Variants in ILRUN observed in about 807,000 individuals in gnomAD.
The protein encoded by ILRUN is inflammation and lipid regulator with UBA-like and NBR1-like domains, also known as protein ILRUN.
Under a neutral mutation model 33.8 loss-of-function variants are expected in ILRUN, and 3 were observed. The observed-to-expected ratio is 0.09, with a 90% CI of 0.04 to 0.23. ILRUN has a LOEUF of 0.23. Ranked by LOEUF, ILRUN falls within the 10% of genes least tolerant of loss-of-function variation. The pLI is 1.00. For synonymous variants in ILRUN, 124 were observed against 138.9 expected (o/e 0.89, Z 0.75); for missense variants, 210 against 375.1 (o/e 0.56, Z 3.64).
intron 3 of ILRUN, among the ~76,000 whole-genome samples, chr6:34,627,727 G>C (rs1339926794): frequency 7.1e-6 from 1 of 141,292 alleles, no homozygotes; most frequent in East Asian, 2.0e-4. Flanking sequence ...TTTTGAGACA[G>C]AGTTTCGCTC....
intron 3 of ILRUN, among the ~76,000 whole-genome samples, chr6:34,631,412 C>A (rs1035271138): frequency 1.3e-5 from 2 of 152,016 alleles, no homozygotes; most frequent in Non-Finnish European, 2.9e-5. Context: ...ACCGCAACCT[C>A]CGCCTCCTGG....
In ILRUN at chr6:34,683,447, TATATAC is replaced by T. The variant is rs1404758563; in HGVS notation, c.158+12993_158+12998del. Among the ~76,000 whole-genome samples, 248 of 109,448 alleles carry T rather than the reference TATATAC, an allele frequency of 2.3e-3. 5 individuals are homozygous for T. The highest frequency in any genetic ancestry group is 0.012 in the African/African-American group (227 of 19,618). 71.8% of individuals were successfully genotyped at this position (109,448 alleles called of 152,430 possible). A position where few individuals can be genotyped will look rare whatever the true frequency, so the allele number is the denominator to read the frequency against. On this transcript the variant is annotated intron_variant, in intron 1 of 4. Coordinates refer to ENST00000374023, the MANE Select transcript of ILRUN (RefSeq NM_024294.4). ...ATATATACATATATATATACATATA[TATATAC>T]ATATATATACATATATATACACATA...
At chr6:34,634,641 GATA>G (rs1023615523) in intron 3 of ILRUN, among the ~76,000 whole-genome samples, 7 of 151,970 alleles carry the variant, frequency 4.6e-5, no homozygotes, top group Admixed American at 3.9e-4. Context: ...ATGTTAAAAG[GATA>G]ATAAGAGGAT....
chr6:34,652,088 A>G (rs990168275), intron 2 of ILRUN, among the ~76,000 whole-genome samples: 2 of 152,120 alleles, frequency 1.3e-5, no homozygotes, highest in Admixed American at 6.6e-5. Flanking sequence ...CACTGCACCC[A>G]GCCTCTGAAA....
At chr6:34,663,249 C>CT (rs1189399232) in intron 1 of ILRUN, among the ~76,000 whole-genome samples, 2 of 152,230 alleles carry the variant, frequency 1.3e-5, no homozygotes, top group East Asian at 3.9e-4. Context: ...AAGTGAGACT[C>CT]TGTCTCTACA....
chr6:34,635,906 G>A (rs1762358902), intron 3 of ILRUN, among the ~76,000 whole-genome samples: 1 of 152,128 alleles, frequency 6.6e-6, no homozygotes, highest in African/African-American at 2.4e-5. Context: ...ACAGGTGTGA[G>A]TCACCACGCT....
intron 3 of ILRUN, among the ~76,000 whole-genome samples, chr6:34,632,454 A>G (rs73411944): frequency 0.031 from 4,724 of 152,234 alleles, 197 homozygotes; most frequent in African/African-American, 0.09. Flanking sequence ...ATAAAAAAAA[A>G]TAAGTGTTTA....
chr6:34,631,350 C>T (rs1305857383), intron 3 of ILRUN, among the ~76,000 whole-genome samples: 2 of 149,162 alleles, frequency 1.3e-5, no homozygotes, highest in Admixed American at 1.3e-4. Context: ...TTTTTTAAGA[C>T]AGGGACTCAC....
intron 1 of ILRUN, among the ~76,000 whole-genome samples, chr6:34,655,989 C>T (rs576784899): frequency 7.4e-4 from 112 of 152,148 alleles, no homozygotes; most frequent in African/African-American, 2.6e-3. Context: ...AATCCCAGTA[C>T]TTTGGGAGGC....
intron 1 of ILRUN, among the ~76,000 whole-genome samples, chr6:34,673,832 T>TACAC (rs71000079): frequency 0.18 from 19,416 of 110,764 alleles, 3,342 homozygotes; most frequent in East Asian, 0.39. Context: ...AACAACCACA[T>TACAC]ACACACACAC....
At chr6:34,683,369 A>C (rs1460695021) in intron 1 of ILRUN, among the ~76,000 whole-genome samples, 1 of 146,430 alleles carries the variant, frequency 6.8e-6, no homozygotes, top group Non-Finnish European at 1.5e-5. Context: ...ATACATATTC[A>C]TGCATAGAAA....
At chr6:34,612,380 G>A (rs1490719362) in intron 3 of ILRUN, among the ~76,000 whole-genome samples, 2 of 152,028 alleles carry the variant, frequency 1.3e-5, no homozygotes, top group Non-Finnish European at 2.9e-5. Flanking sequence ...GTACCACTGT[G>A]CTTCAGCCTG....
intron 3 of ILRUN, among the ~76,000 whole-genome samples, chr6:34,643,550 T>G (rs1268471113): frequency 6.6e-6 from 1 of 152,170 alleles, no homozygotes; most frequent in Non-Finnish European, 1.5e-5. Flanking sequence ...TTTTCTTCAG[T>G]TAATAATGTA....
At chr6:34,620,848 A>G (rs1761998582) in intron 3 of ILRUN, among the ~76,000 whole-genome samples, 1 of 152,238 alleles carries the variant, frequency 6.6e-6, no homozygotes, top group Non-Finnish European at 1.5e-5. Context: ...AATACATTTT[A>G]AAATAATGAT....
chr6:34,644,426 A>C (rs1189876518), intron 3 of ILRUN, among the ~76,000 whole-genome samples: 1 of 152,184 alleles, frequency 6.6e-6, no homozygotes, highest in Non-Finnish European at 1.5e-5. Context: ...AAATGGGTAG[A>C]AAGACGTAAA....
At chr6:34,599,923 T>C (rs1761474992) in intron 4 of ILRUN, among the ~76,000 whole-genome samples, 1 of 152,190 alleles carries the variant, frequency 6.6e-6, no homozygotes, top group South Asian at 2.1e-4. Flanking sequence ...CTCTTTTACA[T>C]CCCCTTCCAA....
chr6:34,674,638 C>T (rs1763188770), intron 1 of ILRUN, among the ~76,000 whole-genome samples: 1 of 152,108 alleles, frequency 6.6e-6, no homozygotes, highest in Non-Finnish European at 1.5e-5. Flanking sequence ...GTCTAGAACC[C>T]CTTGTTGCTT....
At chr6:34,690,492 ATAAAT>A (rs1190777491) in intron 1 of ILRUN, among the ~76,000 whole-genome samples, 3 of 151,984 alleles carry the variant, frequency 2.0e-5, no homozygotes, top group Non-Finnish European at 4.4e-5. Context: ...AAATAAATAA[ATAAAT>A]TGATTAAAAG....
At position 34,592,192 on chromosome 6, in the gene ILRUN, G is replaced by C. The variant is rs78383756; in HGVS notation, c.862-1592C>G. On this transcript the variant is annotated intron_variant, in intron 4 of 4. Transcript: ENST00000374023. The surrounding 1 kb of genome is among the most constrained non-coding windows in gnomAD (Gnocchi z 4.0). The stretch of plus-strand genomic sequence containing the variant: ...TCCTCAGGAGATGATTTGGGGAATG[G>C]ACAGGCCAATACCAATGGGGCATCC... Among the ~76,000 whole-genome samples, 2,080 of 152,310 alleles carry C rather than the reference G, an allele frequency of 0.014. 34 individuals are homozygous for C. Among genetic ancestry groups the C allele is most frequent in the Non-Finnish European group, 0.017 (1,126 of 68,030 alleles).
Sources: gnomAD v4.1 joint callset for allele counts (sites outside exome capture counted in the v4.1 genomes callset) on GRCh38, gnomAD v4.1.1 for gene constraint, Gnocchi (gnomAD v3.1) non-coding constraint, MANE v1.5 for transcripts, NCBI Gene and HGNC (gene_info 2026-07-23, HGNC 2026-07-21) for gene names.